ACVR1C: variants seen among roughly 807,000 people sequenced by gnomAD.
The protein encoded by ACVR1C is activin receptor type-1C.
In ACVR1C, 23 loss-of-function variants were observed where a neutral mutation model predicts 57.9. The ratio of observed to expected loss-of-function variants is 0.40; its 90% CI spans 0.29 to 0.56. The LOEUF is 0.56. ACVR1C is among the 20% of genes least tolerant of loss of function. ACVR1C has a pLI of 0.50. For synonymous variants in ACVR1C, 214 were observed against 215.3 expected, an observed-to-expected ratio of 0.99 and a Z score of 0.05; for missense variants, 480 against 607.9, an observed-to-expected ratio of 0.79 and a Z score of 2.21.
Position 157,556,147 on chromosome 2 carries a change from C to G in ACVR1C, c.490G>C (p.Gly164Arg), listed in dbSNP as rs753709732. Reference sequence around the variant, plus strand: ...TAAATCAGATCTTTCAGAGTTTTTCCAGCATTTACCAGATTGCACTCAGAG... The same window carrying G: ...TAAATCAGATCTTTCAGAGTTTTTCGAGCATTTACCAGATTGCACTCAGAG... ...PLSECNLVNA[G>R]KTLKDLIYDV... is the part of the protein sequence containing the mutation. Residue 164 changes from glycine (G) to arginine (R), a missense_variant, in exon 3 of 9, where the codon GGA becomes CGA. Physicochemically the swap from Gly to Arg is moderately radical, Grantham distance 125. Transcript: ENST00000243349. 2.0e-5 allele frequency: 33 copies of G among 1,614,098 alleles called. No homozygotes were observed. In the Admixed American group the frequency reaches 5.3e-4, roughly 26 times the overall value.
intron 3 of ACVR1C, among the ~76,000 whole-genome samples, chr2:157,551,441 G>GA (rs1355774041): frequency 6.6e-6 from 1 of 151,970 alleles, no homozygotes; most frequent in African/African-American, 2.4e-5. Context: ...CTAATAACAT[G>GA]AAAAAATACT....
rs1414577400 is a variant in ACVR1C, at chr2:157,544,471, A to C, written c.917T>G (p.Leu306Arg). The C allele has an allele frequency of 3.1e-6, 5 of 1,613,334 alleles. No individual in the cohort carries two copies. Among genetic ancestry groups the C allele is most frequent in the Non-Finnish European group, 4.2e-6 (5 of 1,179,688 alleles). The change falls in exon 5 of 9, where the codon CTT (leucine) becomes CGT (arginine). Residue 306 changes from leucine (L) to arginine (R), a missense_variant. Leu to Arg is a moderately radical substitution (Grantham distance 102, BLOSUM62 -2). Transcript: ENST00000243349. ...TTGTGTACCAACAATCTCCATATGA[A>C]GGTGTGCCAGACCACTAGCAATTGA... is the stretch of plus-strand genomic sequence containing the variant. ...ALSIASGLAHLHMEIVGTQGK... is the reference protein window; with the variant it reads ...ALSIASGLAHRHMEIVGTQGK...
intron 2 of ACVR1C, among the ~76,000 whole-genome samples, chr2:157,561,337 A>T (rs1221019735): frequency 6.6e-6 from 1 of 152,186 alleles, no homozygotes; most frequent in Non-Finnish European, 1.5e-5. Context: ...CCAGCTTGTG[A>T]CTTTGAAATG....
intron 2 of ACVR1C, among the ~76,000 whole-genome samples, chr2:157,583,585 A>G (rs544142853): frequency 6.6e-6 from 1 of 152,348 alleles, no homozygotes; most frequent in African/African-American, 2.4e-5. Flanking sequence ...GGAAAAACAA[A>G]GTTGGAGAAT....
intron 1 of ACVR1C, among the ~76,000 whole-genome samples, chr2:157,625,920 G>C (rs1176678902): frequency 6.6e-6 from 1 of 152,050 alleles, no homozygotes; most frequent in East Asian, 1.9e-4. Context: ...AAACATCAAG[G>C]CATCCAGAAC....
intron 1 of ACVR1C, among the ~76,000 whole-genome samples, chr2:157,616,033 T>C (rs114714640): frequency 3.6e-3 from 541 of 152,370 alleles, no homozygotes; most frequent in African/African-American, 0.012. Context: ...TCCGAGCTTC[T>C]GTGCTTGGTG....
intron 4 of ACVR1C, among the ~76,000 whole-genome samples, chr2:157,546,035 G>A (rs1573908094): frequency 6.6e-6 from 1 of 152,192 alleles, no homozygotes; most frequent in Admixed American, 6.5e-5. Context: ...ACCCACCTTG[G>A]CCTCCCGAAG....
chr2:157,581,491 C>T (rs1433615448), intron 2 of ACVR1C, among the ~76,000 whole-genome samples: 5 of 151,878 alleles, frequency 3.3e-5, no homozygotes, highest in East Asian at 1.9e-4. Context: ...TAGGGGGAGA[C>T]GGGAGGGGAG....
At position 157,615,154 on chromosome 2, in the gene ACVR1C, T is replaced by C. The variant is rs111882487; in HGVS notation, c.73+13418A>G. The stretch of plus-strand genomic sequence containing the variant: ...CATTATTAGCTTATTATTTTTACCA[T>C]TTTAAAAATATTTTTAAGAGATGCC... On this transcript the variant is annotated intron_variant, in intron 1 of 8. Transcript: ENST00000243349. 4.3e-3 allele frequency among the ~76,000 whole-genome samples: 655 copies of C among 152,174 alleles called. 5 individuals are homozygous for C. The highest frequency in any genetic ancestry group is 0.015 in the African/African-American group (623 of 41,520).
intron 3 of ACVR1C, among the ~76,000 whole-genome samples, chr2:157,554,309 GGA>G (rs1688031162): frequency 7.6e-6 from 1 of 131,918 alleles, no homozygotes; most frequent in African/African-American, 2.9e-5. Flanking sequence ...AAGAAAGAAA[GGA>G]AAAGAAAAAG....
rs1558975158 is a variant in ACVR1C at position 157,554,275 on chromosome 2, GGA to G, written c.544+1816_544+1817del. Among the ~76,000 whole-genome samples the G allele has an allele frequency of 1.8e-3, 228 of 123,464 alleles. 6 individuals carry two copies. The highest frequency in any genetic ancestry group is 7.8e-3 in the African/African-American group (213 of 27,224). 81.0% of individuals were successfully genotyped at this position (123,464 alleles called of 152,430 possible). A position where few individuals can be genotyped will look rare whatever the true frequency, so the allele number is the denominator to read the frequency against. ...AGAAAGAAAGAAAGAAAGAAAGGAA[GGA>G]AGGAAGAGAGAGAGAGAGAGAAAGA... On this transcript the variant is annotated intron_variant, in intron 3 of 8. Transcript: ENST00000243349.
At chr2:157,617,063 T>C (rs1682669376) in intron 1 of ACVR1C, among the ~76,000 whole-genome samples, 1 of 151,824 alleles carries the variant, frequency 6.6e-6, no homozygotes, top group Admixed American at 6.6e-5. Flanking sequence ...GTACAAAGGA[T>C]GCACTTTCCT....
intron 1 of ACVR1C, among the ~76,000 whole-genome samples, chr2:157,620,623 T>G (rs1682751790): frequency 6.6e-6 from 1 of 152,150 alleles, no homozygotes; most frequent in African/African-American, 2.4e-5. Flanking sequence ...ATTTTTTAAT[T>G]GACACATAAT....
At chr2:157,616,502 T>C (rs1477046265) in intron 1 of ACVR1C, among the ~76,000 whole-genome samples, 1 of 152,152 alleles carries the variant, frequency 6.6e-6, no homozygotes, top group East Asian at 1.9e-4. Flanking sequence ...TTATTTTAAA[T>C]TCCTTGCCTA....
At chr2:157,610,692 A>T (rs1682512477) in intron 1 of ACVR1C, among the ~76,000 whole-genome samples, 1 of 151,954 alleles carries the variant, frequency 6.6e-6, no homozygotes, top group Non-Finnish European at 1.5e-5. Flanking sequence ...TGGTCCCTTT[A>T]TTGTGTCCCA....
At chr2:157,552,529 C>T (rs573598585) in intron 3 of ACVR1C, among the ~76,000 whole-genome samples, 1 of 152,322 alleles carries the variant, frequency 6.6e-6, no homozygotes, top group South Asian at 2.1e-4. Context: ...CTCAGTCTCT[C>T]CCTTCCTCCT....
intron 2 of ACVR1C, among the ~76,000 whole-genome samples, chr2:157,572,419 A>C (rs1330492089): frequency 6.6e-6 from 1 of 152,024 alleles, no homozygotes; most frequent in Non-Finnish European, 1.5e-5. Flanking sequence ...ACTTCTCCAC[A>C]GCTAGTATAT....
intron 2 of ACVR1C, among the ~76,000 whole-genome samples, chr2:157,573,338 G>GTTAA (rs1405737674): frequency 6.6e-6 from 1 of 152,086 alleles, no homozygotes; most frequent in Admixed American, 6.5e-5. Flanking sequence ...TTGTATTGAA[G>GTTAA]TTAATAAAGC....
intron 2 of ACVR1C, among the ~76,000 whole-genome samples, chr2:157,579,429 G>T (rs1688733432): frequency 6.6e-6 from 1 of 152,080 alleles, no homozygotes; most frequent in Non-Finnish European, 1.5e-5. Flanking sequence ...TCCCTAAGTT[G>T]TGTAAATTAG....
Sources: gnomAD v4.1 joint callset for allele counts (sites outside exome capture counted in the v4.1 genomes callset) on GRCh38, gnomAD v4.1.1 for gene constraint, MANE v1.5 for transcripts, NCBI Gene and HGNC (gene_info 2026-07-23, HGNC 2026-07-21) for gene names.